Variants in ATP10A observed in about 807,000 individuals in gnomAD.
The protein encoded by ATP10A is phospholipid-transporting ATPase VA.
A neutral mutation model predicts 147.8 loss-of-function variants in ATP10A; 111 were observed. That is an observed-to-expected ratio of 0.75 (90% CI 0.64 to 0.88). The LOEUF is 0.88. Among genes scored for constraint, ATP10A ranks in the 40% least tolerant of loss-of-function variants. The pLI is 0.00. For missense variants in ATP10A, 1,927 were observed against 1,959.0 expected (o/e 0.98, Z 0.31); for synonymous variants, 875 against 841.6 (o/e 1.04, Z -0.69).
chr15:25,819,692 G>A (rs1891801458), intron 1 of ATP10A, among the ~76,000 whole-genome samples: 1 of 152,068 alleles, frequency 6.6e-6, no homozygotes, highest in Admixed American at 6.6e-5. Context: ...TCCATCAAAG[G>A]ATAACTGGAT....
At chr15:25,677,225 T>C (rs990652571), downstream of ATP10A, 1 of 152,218 alleles carries the variant, frequency 6.6e-6, no homozygotes, top group Non-Finnish European at 1.5e-5. Flanking sequence ...TTTTTTGAGA[T>C]AATCATGAAG....
intron 3 of ATP10A, among the ~76,000 whole-genome samples, chr15:25,735,397 G>GGTTTC (rs1567343814): frequency 6.6e-6 from 1 of 152,104 alleles, no homozygotes; most frequent in African/African-American, 2.4e-5. Context: ...ACATGAAGGT[G>GGTTTC]GTTTCTACTA....
At chr15:25,818,844 C>A (rs557281041) in intron 1 of ATP10A, among the ~76,000 whole-genome samples, 7 of 152,114 alleles carry the variant, frequency 4.6e-5, no homozygotes, top group Admixed American at 3.9e-4. Flanking sequence ...AAAAAGGACA[C>A]CCTTTTCAAT....
At chr15:25,717,717 C>G (rs1901907904) in intron 8 of ATP10A, among the ~76,000 whole-genome samples, 1 of 115,950 alleles carries the variant, frequency 8.6e-6, no homozygotes, top group South Asian at 3.6e-4. Flanking sequence ...GTGAAAGGCT[C>G]TTTCAGAGGT....
At chr15:25,836,673 A>G (rs2140882218) in intron 1 of ATP10A, among the ~76,000 whole-genome samples, 1 of 152,272 alleles carries the variant, frequency 6.6e-6, no homozygotes, top group South Asian at 2.1e-4. Context: ...GCAAACACAC[A>G]CACAGTGCCA....
intron 1 of ATP10A, among the ~76,000 whole-genome samples, chr15:25,839,225 C>T (rs914900539): frequency 6.6e-6 from 1 of 152,170 alleles, no homozygotes; most frequent in Non-Finnish European, 1.5e-5. Context: ...GTATGTGCGT[C>T]GGCGCATCCC....
intron 1 of ATP10A, among the ~76,000 whole-genome samples, chr15:25,830,787 G>A (rs1049394668): frequency 1.3e-5 from 2 of 152,212 alleles, no homozygotes; most frequent in African/African-American, 4.8e-5. Context: ...AAAGAAACAA[G>A]TGGCTTTAGT....
At chr15:25,713,074 A>G (rs1221502561) in intron 10 of ATP10A, among the ~76,000 whole-genome samples, 1 of 152,202 alleles carries the variant, frequency 6.6e-6, no homozygotes, top group African/African-American at 2.4e-5. Context: ...CAGGCAGTAG[A>G]GCCTCAGCAG....
intron 2 of ATP10A, among the ~76,000 whole-genome samples, chr15:25,764,221 T>C (rs948602957): frequency 1.3e-5 from 2 of 152,036 alleles, no homozygotes; most frequent in African/African-American, 4.8e-5. Flanking sequence ...CTTACGAAAA[T>C]GAGGAATCCT....
chr15:25,707,647 CCT>C (rs3214974), intron 12 of ATP10A, among the ~76,000 whole-genome samples: 37,557 of 151,972 alleles, frequency 0.25, 5,168 homozygotes, highest in East Asian at 0.35. Flanking sequence ...CAAAAGTTTC[CCT>C]GTTTCCCGAG....
rs745618857 is a variant in ATP10A, at chr15:25,679,872, C to A, written c.3969G>T (p.Glu1323Asp). The change falls in exon 21 of 21, where the codon GAG becomes GAT. Residue 1323 changes from glutamate (E) to aspartate (D), a missense_variant. Physicochemically the swap from Glu to Asp is conservative, Grantham distance 45. Coordinates refer to ENST00000555815, the MANE Select transcript of ATP10A (RefSeq NM_024490.4). ...TCGGGAGGCGTCCCTGAGCAAAGGT[C>A]TCTTTGGGAGCACTGCATCTCCTGG... ...KSPRRCSAPK[E>D]TFAQGRLPKD... The A allele has an allele frequency of 1.2e-6, 2 of 1,610,360 alleles. No individual in the cohort carries two copies. The highest frequency in any genetic ancestry group is 1.7e-6 in the Non-Finnish European group (2 of 1,179,970).
At chr15:25,700,446 T>G (rs929910098) in intron 13 of ATP10A, among the ~76,000 whole-genome samples, 1 of 152,278 alleles carries the variant, frequency 6.6e-6, no homozygotes, top group African/African-American at 2.4e-5. Flanking sequence ...TGTTCTTCAC[T>G]GATTGAATGG....
downstream of ATP10A, among the ~76,000 whole-genome samples, chr15:25,672,724 T>C (rs1156837309): frequency 2.6e-5 from 4 of 152,224 alleles, no homozygotes; most frequent in Non-Finnish European, 5.9e-5. Context: ...GGTTTTGTCT[T>C]TCTCTATTGA....
At chr15:25,851,626 T>C (rs1194839474) in intron 1 of ATP10A, among the ~76,000 whole-genome samples, 1 of 152,216 alleles carries the variant, frequency 6.6e-6, no homozygotes, top group African/African-American at 2.4e-5. Context: ...ACAGAGGGTA[T>C]CTCTGGATCC....
chr15:25,816,239 G>GT (rs5811399), intron 1 of ATP10A, among the ~76,000 whole-genome samples: 117,206 of 150,794 alleles, frequency 0.78, 45,858 homozygotes, highest in East Asian at 0.83. Flanking sequence ...ATTTTGCTTT[G>GT]TTTTTTTTGA....
At chr15:25,818,899 C>G (rs1891771495) in intron 1 of ATP10A, among the ~76,000 whole-genome samples, 1 of 152,084 alleles carries the variant, frequency 6.6e-6, no homozygotes, top group African/African-American at 2.4e-5. Flanking sequence ...GAAGAATGAT[C>G]TGGGACCCCT....
intron 2 of ATP10A, among the ~76,000 whole-genome samples, chr15:25,763,351 C>T (rs1352921107): frequency 6.6e-6 from 1 of 152,142 alleles, no homozygotes; most frequent in African/African-American, 2.4e-5. Context: ...ATATCAGCAA[C>T]CAGTGAGTCC....
intron 1 of ATP10A, among the ~76,000 whole-genome samples, chr15:25,847,659 G>T (rs1893086531): frequency 2.3e-5 from 2 of 86,158 alleles, no homozygotes; most frequent in Non-Finnish European, 2.1e-5. Flanking sequence ...TTGAGATAGA[G>T]TCTCACTCTG....
intron 1 of ATP10A, among the ~76,000 whole-genome samples, chr15:25,808,603 C>T (rs952196922): frequency 2.0e-5 from 3 of 152,148 alleles, no homozygotes; most frequent in African/African-American, 4.8e-5. Flanking sequence ...AGGATGGTCT[C>T]GAACTCCCAA....
Sources: allele counts gnomAD v4.1 joint callset (sites outside exome capture counted in the v4.1 genomes callset), GRCh38; gene constraint gnomAD v4.1.1; transcripts MANE v1.5; gene names NCBI Gene and HGNC (gene_info 2026-07-23, HGNC 2026-07-21).